The following CHAF1A variants were observed in gnomAD, a reference collection of about 807,000 sequenced individuals.
The protein encoded by CHAF1A is CAF-1 subunit A.
CHAF1A carries 5 observed loss-of-function variants against 93.2 expected under a neutral mutation model. That is an observed-to-expected ratio of 0.05 (90% CI 0.03 to 0.11). The LOEUF (loss-of-function observed/expected upper bound fraction) is 0.11. Ranked by LOEUF, CHAF1A falls within the 10% of genes least tolerant of loss-of-function variation. The probability of loss-of-function intolerance (pLI) is 1.00; values close to 1 mark genes in which losing one functional copy is unlikely to be tolerated. For synonymous variants in CHAF1A, 504 were observed against 510.3 expected (o/e 0.99, Z 0.17); for missense variants, 1,102 against 1,259.9 (o/e 0.87, Z 1.90).
rs536223301 is a variant in CHAF1A at position 4,433,750 on chromosome 19, C to T, written c.2673+211C>T. Among the ~76,000 whole-genome samples the T allele has an allele frequency of 2.6e-5, 4 of 151,916 alleles. No homozygotes were observed. Among genetic ancestry groups the T allele is most frequent in the East Asian group, 2.0e-4 (1 of 5,116 alleles). ...CTGAGTAGCTGGGATTACAGGTGTA[C>T]GCCACCATGCCTGGCTAATTTTTGT... is the stretch of plus-strand genomic sequence containing the variant. On this transcript the variant is annotated intron_variant, in intron 13 of 14. Transcript: ENST00000301280. The surrounding 1 kb of genome is among the most constrained non-coding windows in gnomAD (Gnocchi z 5.6).
downstream of CHAF1A, chr19:4,445,929 G>A: frequency 4.1e-6 from 6 of 1,457,826 alleles, no homozygotes; most frequent in Non-Finnish European, 5.5e-6. Flanking sequence ...CAAACCCAGG[G>A]ACCTGCCCAG....
chr19:4,446,713 G>A (rs750312884), downstream of CHAF1A: 3 of 1,608,998 alleles, frequency 1.9e-6, no homozygotes, highest in South Asian at 3.3e-5. Flanking sequence ...GAACTCCTCG[G>A]GGTCCTCTAC....
intron 3 of CHAF1A, among the ~76,000 whole-genome samples, 157 bp downstream of exon 3, chr19:4,409,916 CA>C (rs1973762082): frequency 2.6e-5 from 4 of 152,192 alleles, no homozygotes; most frequent in Admixed American, 2.6e-4. Context: ...TATCAAAACT[CA>C]CAGTGTTCAG....
intron 13 of CHAF1A, among the ~76,000 whole-genome samples, chr19:4,435,381 C>A (rs1974265451): frequency 6.6e-6 from 1 of 151,900 alleles, no homozygotes; most frequent in Non-Finnish European, 1.5e-5. Flanking sequence ...CCTGTCCTGG[C>A]CTTTTTTTGA....
chr19:4,419,187 A>G (rs1033704216), intron 4 of CHAF1A, among the ~76,000 whole-genome samples: 5 of 151,748 alleles, frequency 3.3e-5, no homozygotes, highest in African/African-American at 9.7e-5. Flanking sequence ...GCCGCAGGGG[A>G]CTTTTTACTT....
chr19:4,412,568 A>G (rs1312382204), intron 3 of CHAF1A, among the ~76,000 whole-genome samples: 1 of 152,024 alleles, frequency 6.6e-6, no homozygotes, highest in Non-Finnish European at 1.5e-5. Context: ...AGGACAGGAC[A>G]CAAGCACATG....
chr19:4,435,429 G>A (rs1974266414), intron 13 of CHAF1A, among the ~76,000 whole-genome samples: 1 of 151,902 alleles, frequency 6.6e-6, no homozygotes, highest in South Asian at 2.1e-4. Context: ...CTGTAGTGCA[G>A]TGGCGTGATC....
Position 4,419,572 on chromosome 19 carries a change from G to C in CHAF1A, c.1017+1496G>C, listed in dbSNP as rs1006569115. ...AGCCTCTCGAGTAGCTGGGATTATA[G>C]GCACGAGCCACCACGCCTGGATAAT... On this transcript the variant is annotated intron_variant, in intron 4 of 14. Transcript: ENST00000301280. Among the ~76,000 whole-genome samples, 26 of 152,186 alleles carry C rather than the reference G, an allele frequency of 1.7e-4. 1 individual carries two copies. Among genetic ancestry groups the C allele is most frequent in the Admixed American group, 1.7e-3 (26 of 15,278 alleles).
intron 3 of CHAF1A, 38 bp downstream of exon 3, chr19:4,409,797 C>A: frequency 1.9e-6 from 3 of 1,558,162 alleles, no homozygotes; most frequent in South Asian, 1.2e-5. Flanking sequence ...CATCAGTGCT[C>A]ACGGATCTCA....
intron 7 of CHAF1A, 131 bp from the exon 8 acceptor site, chr19:4,428,533 G>C (rs1974124991): frequency 2.6e-6 from 2 of 762,538 alleles, no homozygotes; most frequent in Non-Finnish European, 4.3e-6. Flanking sequence ...GACCCACACA[G>C]TGCCTGGGCT....
At chr19:4,448,488 A>C, downstream of CHAF1A, 1 of 1,247,296 alleles carries the variant, frequency 8.0e-7, no homozygotes. Context: ...CCCAGGTAAC[A>C]GGGGCAGGAA....
chr19:4,441,815 G>A (rs1200125858), intron 13 of CHAF1A, among the ~76,000 whole-genome samples: 4 of 150,982 alleles, frequency 2.6e-5, no homozygotes, highest in Non-Finnish European at 5.9e-5. Flanking sequence ...GGAGAATGGC[G>A]TGAATCCGGG....
chr19:4,415,385 G>T (rs556501080), intron 3 of CHAF1A, among the ~76,000 whole-genome samples: 2 of 152,146 alleles, frequency 1.3e-5, no homozygotes, highest in Admixed American at 1.3e-4. Flanking sequence ...GCAGAGGGGG[G>T]GCATTGTAAG....
chr19:4,429,732 A>G lies in CHAF1A; in HGVS notation c.1798A>G (p.Ser600Gly). The change falls in exon 10 of 15, where the codon AGT becomes GGT. Residue 600 changes from serine (S) to glycine (G), a missense_variant. Physicochemically the swap from Ser to Gly is moderately conservative, Grantham distance 56. This residue lies in a region of CHAF1A where 335 missense variants were observed against 361.9 expected (regional missense o/e 0.93). Transcript: ENST00000301280. ...DTKLLDYEVD[S>G]DEEWEEEEPG... is the part of the protein sequence containing the mutation. The stretch of plus-strand genomic sequence containing the variant: ...GAAGCTCCTGGACTATGAGGTGGAC[A>G]GTGATGAGGAGTGGGAAGAAGAGGA... 6.2e-7 allele frequency: 1 copy of G among 1,614,148 alleles called. No homozygotes were observed. The highest frequency in any genetic ancestry group is 2.2e-5 in the East Asian group (1 of 44,884).
chr19:4,428,960 C>T, intron 8 of CHAF1A, 70 bp downstream of exon 8: 1 of 1,353,112 alleles, frequency 7.4e-7, no homozygotes, highest in South Asian at 1.2e-5. Flanking sequence ...ACCCTGGGGT[C>T]CCCGGGGTGG....
At position 4,433,043 on chromosome 19, in the gene CHAF1A, A is replaced by G. The variant is rs1184590138; in HGVS notation, c.2204-27A>G. The G allele has an allele frequency of 6.7e-7, 1 of 1,501,464 alleles. No individual in the cohort carries two copies. Among genetic ancestry groups the G allele is most frequent in the Non-Finnish European group, 9.0e-7 (1 of 1,113,678 alleles). The allele number at this position is 1,501,464 out of a possible 1,614,324, so 93.0% of individuals were successfully genotyped here. ...GGTGATGGGTGGCTCCCCAAGCCTC[A>G]TGCCCACCCATGTTCCCTCCTGCCA... On this transcript the variant is annotated intron_variant, in intron 12 of 14. Coordinates refer to ENST00000301280, the MANE Select transcript of CHAF1A (RefSeq NM_005483.3). This position sits in a 1 kb window ranked among gnomAD's most constrained non-coding sequence, Gnocchi z 5.6.
At chr19:4,442,013 G>C (rs1974399649) in intron 13 of CHAF1A, among the ~76,000 whole-genome samples, 1 of 152,242 alleles carries the variant, frequency 6.6e-6, no homozygotes. Flanking sequence ...TGTTTTTGGA[G>C]ATCTGAATCC....
downstream of CHAF1A, chr19:4,445,394 GC>G: frequency 6.4e-7 from 1 of 1,558,772 alleles, no homozygotes; most frequent in Non-Finnish European, 8.7e-7. Context: ...ATGGGGCAGA[GC>G]CAAGTATTTC....
intron 13 of CHAF1A, among the ~76,000 whole-genome samples, chr19:4,437,826 A>G (rs572167036): frequency 6.6e-6 from 1 of 151,272 alleles, no homozygotes; most frequent in Non-Finnish European, 1.5e-5. Context: ...TGCAAGCTCC[A>G]CCTCCTGGGT....
Sources: allele counts gnomAD v4.1 joint callset (sites outside exome capture counted in the v4.1 genomes callset), GRCh38; gene constraint gnomAD v4.1.1; regional missense constraint gnomAD v4.1.1; non-coding constraint Gnocchi (gnomAD v3.1); transcripts MANE v1.5; gene names NCBI Gene and HGNC (gene_info 2026-07-23, HGNC 2026-07-21).